Variants in GNAL observed in about 807,000 individuals in gnomAD.
GNAL encodes guanine nucleotide-binding protein G(olf) subunit alpha.
In GNAL, 18 loss-of-function variants were observed where a neutral mutation model predicts 55.1. That is an observed-to-expected ratio of 0.33 (90% CI 0.23 to 0.48). The LOEUF (loss-of-function observed/expected upper bound fraction) is 0.48. Among genes scored for constraint, GNAL ranks in the 20% least tolerant of loss-of-function variants. The pLI is 0.99. For synonymous variants in GNAL, 253 were observed against 237.0 expected, an observed-to-expected ratio of 1.07 and a Z score of -0.62; for missense variants, 412 against 614.1, an observed-to-expected ratio of 0.67 and a Z score of 3.48.
intron 1 of GNAL, among the ~76,000 whole-genome samples, chr18:11,697,411 T>G (rs927273981): frequency 1.3e-5 from 2 of 151,960 alleles, no homozygotes; most frequent in African/African-American, 4.8e-5. Context: ...CAGCTAACTT[T>G]TAATTAGCTG....
chr18:11,842,881 T>A (rs1443985224), intron 5 of GNAL, among the ~76,000 whole-genome samples: 2 of 152,206 alleles, frequency 1.3e-5, no homozygotes, highest in Non-Finnish European at 2.9e-5. Context: ...ATCTTTGGCC[T>A]TCTTTCAACT....
chr18:11,700,097 A>G (rs1441837243), intron 1 of GNAL, among the ~76,000 whole-genome samples: 1 of 152,142 alleles, frequency 6.6e-6, no homozygotes, highest in Non-Finnish European at 1.5e-5. Flanking sequence ...CAAGAGGAGG[A>G]GCTGGTGGAG....
Position 11,868,492 on chromosome 18 carries a change from TC to T in GNAL, c.911-49del. 1 of 1,535,156 alleles carries T rather than the reference TC, an allele frequency of 6.5e-7. No homozygotes were observed. The highest frequency in any genetic ancestry group is 8.9e-7 in the Non-Finnish European group (1 of 1,126,918). ...TGCTGGGTGTGTACTTTCTTGTAAC[TC>T]CACAGTGAGGATGTCTAACTGAGGT... On this transcript the variant is annotated intron_variant, in intron 8 of 11. Transcript: ENST00000334049. This position sits in a 1 kb window ranked among gnomAD's most constrained non-coding sequence, Gnocchi z 4.0.
intron 9 of GNAL, among the ~76,000 whole-genome samples, chr18:11,869,931 A>T (rs2036356388): frequency 6.6e-6 from 1 of 152,224 alleles, no homozygotes; most frequent in African/African-American, 2.4e-5. Context: ...TAATTAAAAT[A>T]AAAAATTGAG....
intron 5 of GNAL, among the ~76,000 whole-genome samples, chr18:11,828,229 G>A (rs1249627): frequency 0.42 from 63,831 of 151,876 alleles, 16,760 homozygotes; most frequent in Non-Finnish European, 0.55. Flanking sequence ...TACTTCAATC[G>A]TTAAGCAGTC....
rs2032848613 is a variant in GNAL, at chr18:11,751,878, G to A, written c.377-975G>A. Among the ~76,000 whole-genome samples, 1 of 152,166 alleles carries A rather than the reference G, an allele frequency of 6.6e-6. No homozygotes were observed. The highest frequency in any genetic ancestry group is 1.5e-5 in the Non-Finnish European group (1 of 68,006). ...ACCAGGGAGGGGGCGCACGTCCGAC[G>A]GCTGAGGAATAGCAGGGCGCGAGCC... On this transcript the variant is annotated intron_variant, in intron 1 of 11. Coordinates refer to ENST00000334049, the MANE Select transcript of GNAL (RefSeq NM_182978.4). This position sits in a 1 kb window ranked among gnomAD's most constrained non-coding sequence, Gnocchi z 4.5.
intron 1 of GNAL, among the ~76,000 whole-genome samples, chr18:11,735,806 A>AAGGAAGG (rs1555644599): frequency 2.7e-5 from 4 of 149,674 alleles, no homozygotes; most frequent in African/African-American, 7.5e-5. Context: ...GGAAGGAAGG[A>AAGGAAGG]AAGGAAGGAA....
chr18:11,815,291 C>A (rs1418573252), intron 4 of GNAL, among the ~76,000 whole-genome samples: 6 of 152,036 alleles, frequency 3.9e-5, no homozygotes, highest in Non-Finnish European at 5.9e-5. Context: ...CTATATATTT[C>A]TTTATAGTCA....
At chr18:11,698,591 A>T (rs2143307625) in intron 1 of GNAL, among the ~76,000 whole-genome samples, 1 of 151,896 alleles carries the variant, frequency 6.6e-6, no homozygotes, top group Non-Finnish European at 1.5e-5. Context: ...AGGGACAGGA[A>T]GACACTGAAG....
chr18:11,727,656 C>T (rs868402296), intron 1 of GNAL, among the ~76,000 whole-genome samples: 5 of 152,100 alleles, frequency 3.3e-5, no homozygotes, highest in African/African-American at 1.2e-4. Context: ...TAATCCAGAC[C>T]CTTTTCCATT....
At position 11,881,014 on chromosome 18, in the gene GNAL, G is replaced by A. The variant is rs2036676370; in HGVS notation, c.1256G>A (p.Gly419Asp). The change falls in exon 12 of 12, where the codon GGC (glycine) becomes GAC (aspartate). Residue 419 changes from glycine (G) to aspartate (D), a missense_variant. By Grantham distance (94) the Gly-to-Asp change is moderately conservative. Transcript: ENST00000334049. This position sits in a 1 kb window ranked among gnomAD's most constrained non-coding sequence, Gnocchi z 4.8. The part of the protein sequence containing the change: ...FLRISTATGD[G>D]KHYCYPHFTC... ...AGGATCAGCACGGCCACCGGTGACG[G>A]CAAACATTACTGCTACCCGCACTTC... The A allele has an allele frequency of 6.2e-7, 1 of 1,614,096 alleles. No homozygotes were observed. The highest frequency in any genetic ancestry group is 1.7e-5 in the Admixed American group (1 of 60,014).
intron 5 of GNAL, among the ~76,000 whole-genome samples, chr18:11,828,062 G>A (rs953945750): frequency 6.6e-6 from 1 of 152,136 alleles, no homozygotes; most frequent in Admixed American, 6.5e-5. Flanking sequence ...CAGTTCTGTG[G>A]TTGCTCTCAT....
At chr18:11,782,119 C>G (rs1772929051) in intron 4 of GNAL, among the ~76,000 whole-genome samples, 1 of 152,124 alleles carries the variant, frequency 6.6e-6, no homozygotes, top group African/African-American at 2.4e-5. Flanking sequence ...GAGTTCAAGA[C>G]CAGCCTGGCC....
chr18:11,769,029 A>G (rs1385288001), intron 4 of GNAL, among the ~76,000 whole-genome samples: 4 of 87,970 alleles, frequency 4.5e-5, no homozygotes, highest in Non-Finnish European at 3.8e-5. Context: ...ATTATAATAT[A>G]TTATATATAA....
At chr18:11,790,661 C>CTT (rs397941591) in intron 4 of GNAL, among the ~76,000 whole-genome samples, 945 of 71,456 alleles carry the variant, frequency 0.013, 25 homozygotes, top group African/African-American at 0.03. Context: ...CTTTTTTTTT[C>CTT]TTTTTTTTTT....
chr18:11,757,394 G>T (rs1380184466), intron 4 of GNAL, among the ~76,000 whole-genome samples: 2 of 152,166 alleles, frequency 1.3e-5, no homozygotes, highest in African/African-American at 2.4e-5. Context: ...GATCACTCTG[G>T]CTGTGGATGG....
intron 1 of GNAL, among the ~76,000 whole-genome samples, chr18:11,749,820 G>A (rs958621640): frequency 2.6e-5 from 4 of 152,166 alleles, no homozygotes; most frequent in Admixed American, 2.6e-4. Flanking sequence ...GTATTCCCAA[G>A]ACACAAGCAG....
At chr18:11,872,477 C>T (rs2143890608) in intron 10 of GNAL, 79 bp downstream of exon 10, 1 of 873,420 alleles carries the variant, frequency 1.1e-6, no homozygotes. Context: ...ATTCACATAC[C>T]TCTGATGAAT....
At chr18:11,694,191 TC>T in intron 1 of GNAL, among the ~76,000 whole-genome samples, 1 of 152,182 alleles carries the variant, frequency 6.6e-6, no homozygotes, top group South Asian at 2.1e-4. Context: ...GTGAGGTTAG[TC>T]CCGTCTCCCA....
Sources: allele counts gnomAD v4.1 joint callset (sites outside exome capture counted in the v4.1 genomes callset), GRCh38; gene constraint gnomAD v4.1.1; non-coding constraint Gnocchi (gnomAD v3.1); transcripts MANE v1.5; gene names NCBI Gene and HGNC (gene_info 2026-07-23, HGNC 2026-07-21).